Variants in GSE1 observed in about 807,000 individuals in gnomAD.
GSE1 encodes the protein genetic suppressor element 1.
Under a neutral mutation model 112.6 loss-of-function variants are expected in GSE1, and 32 were observed. The ratio of observed to expected loss-of-function variants is 0.28; its 90% confidence interval spans 0.21 to 0.38. GSE1 has a LOEUF of 0.38. Among genes scored for constraint, GSE1 ranks in the 10% least tolerant of loss-of-function variants. The probability of loss-of-function intolerance (pLI) is 1.00; values close to 1 mark genes in which losing one functional copy is unlikely to be tolerated. For synonymous variants in GSE1, 1,115 were observed against 735.6 expected (o/e 1.52, Z -8.35); for missense variants, 2,348 against 1,699.2 (o/e 1.38, Z -6.71).
chr16:85,418,738 GA>G, intron 2 of GSE1, among the ~76,000 whole-genome samples: 1 of 152,310 alleles, frequency 6.6e-6, no homozygotes, highest in Non-Finnish European at 1.5e-5. Context: ...GAAAAAGGGG[GA>G]CAAGCCGGCA....
upstream of GSE1, among the ~76,000 whole-genome samples, chr16:85,551,048 G>C (rs1455077584): frequency 6.6e-6 from 1 of 152,184 alleles, no homozygotes; most frequent in Non-Finnish European, 1.5e-5. Flanking sequence ...GGGAGGTGCG[G>C]GGTGAGTTTG....
chr16:85,245,784 G>T (rs929560581), intron 1 of GSE1, among the ~76,000 whole-genome samples: 2 of 152,098 alleles, frequency 1.3e-5, no homozygotes, highest in Non-Finnish European at 2.9e-5. Context: ...GCCTTGTCCA[G>T]CTCTGGCAGT....
At chr16:85,230,746 C>T (rs968097907) in intron 1 of GSE1, among the ~76,000 whole-genome samples, 3 of 152,226 alleles carry the variant, frequency 2.0e-5, no homozygotes, top group Non-Finnish European at 4.4e-5. Flanking sequence ...GGTGTATTAA[C>T]TCACAGTCCT....
At chr16:85,180,141 C>T (rs181030227) in intron 1 of GSE1, among the ~76,000 whole-genome samples, 210 of 152,378 alleles carry the variant, frequency 1.4e-3, no homozygotes, top group African/African-American at 4.9e-3. Flanking sequence ...AGCTCTGCTG[C>T]CTGGCCTGTC....
rs533715227 is a variant in GSE1 at position 85,561,067 on chromosome 16, G to C, written c.37+4704G>C. Among the ~76,000 whole-genome samples, 32 of 152,210 alleles carry C rather than the reference G, an allele frequency of 2.1e-4. No individual in the cohort carries two copies. In the South Asian group the frequency reaches 4.2e-3, roughly 20 times the overall value. On this transcript the variant is annotated intron_variant, in intron 1 of 2. Transcript: ENST00000635906. ...GGATCACCTGGGCCCAGGAGGTCGA[G>C]GCTGCAGTGAGCTGTGATTCCACGA... is the stretch of plus-strand genomic sequence containing the variant.
intron 2 of GSE1, among the ~76,000 whole-genome samples, chr16:85,471,050 C>T (rs371166263): frequency 1.3e-5 from 2 of 152,280 alleles, no homozygotes; most frequent in African/African-American, 4.8e-5. Context: ...GCAGGAGGTG[C>T]CAGGCATTCT....
intron 1 of GSE1, among the ~76,000 whole-genome samples, chr16:85,315,012 C>G (rs1269276196): frequency 1.3e-5 from 2 of 152,230 alleles, no homozygotes; most frequent in African/African-American, 2.4e-5. Context: ...TCAGGGCCAG[C>G]TCAGAAAATC....
chr16:85,460,417 CAA>C (rs1346202692), intron 2 of GSE1, among the ~76,000 whole-genome samples: 1 of 152,230 alleles, frequency 6.6e-6, no homozygotes, highest in Non-Finnish European at 1.5e-5. Context: ...GGCTTACCCT[CAA>C]GAGAGGGACG....
At chr16:85,466,248 C>G (rs1031196037) in intron 2 of GSE1, among the ~76,000 whole-genome samples, 9 of 152,222 alleles carry the variant, frequency 5.9e-5, no homozygotes, top group Admixed American at 4.6e-4. Context: ...GCTCTGGTAG[C>G]CAGGAGTGCT....
In GSE1 at chr16:85,256,460, C is replaced by T. The variant is rs568712045; in HGVS notation, c.2283+84653C>T. On this transcript the variant is annotated intron_variant, in intron 1 of 2. Transcript: ENST00000637419. Reference sequence around the variant, plus strand: ...TTAGGTTTGGGACTGTTCTCGTTGCCTTGGTGCAGATGGGGTAGCTGAGGT... The same window carrying T: ...TTAGGTTTGGGACTGTTCTCGTTGCTTTGGTGCAGATGGGGTAGCTGAGGT... Among the ~76,000 whole-genome samples the T allele has an allele frequency of 2.0e-5, 3 of 152,354 alleles. No homozygotes were observed. The East Asian group carries it at 5.8e-4, about 29-fold the overall frequency.
At chr16:85,174,510 C>T (rs1196247985) in intron 1 of GSE1, among the ~76,000 whole-genome samples, 1 of 152,238 alleles carries the variant, frequency 6.6e-6, no homozygotes, top group East Asian at 1.9e-4. Context: ...ATGCAGCCTT[C>T]TGGTCTTCCG....
intron 10 of GSE1, 75 bp from the exon 11 acceptor site, chr16:85,663,269 G>A (rs1468451159): frequency 1.4e-5 from 22 of 1,536,312 alleles, no homozygotes; most frequent in Admixed American, 1.7e-5. Flanking sequence ...GAGGACCCCA[G>A]GAGGGGACCC....
At chr16:85,374,523 T>A (rs2047375251) in intron 2 of GSE1, among the ~76,000 whole-genome samples, 1 of 53,886 alleles carries the variant, frequency 1.9e-5, no homozygotes, top group South Asian at 1.2e-3. Context: ...TGTCAGTGTG[T>A]GCGTGTGTGT....
intron 2 of GSE1, among the ~76,000 whole-genome samples, chr16:85,473,025 G>A (rs908475569): frequency 2.0e-5 from 3 of 152,272 alleles, no homozygotes; most frequent in Non-Finnish European, 2.9e-5. Flanking sequence ...TTTGGGGTGG[G>A]GGCACAGGAG....
chr16:85,502,208 G>A (rs552732473), intron 2 of GSE1, among the ~76,000 whole-genome samples: 1 of 152,310 alleles, frequency 6.6e-6, no homozygotes, highest in East Asian at 1.9e-4. Context: ...TATGGGCTGC[G>A]TCCCGAGAGA....
chr16:85,670,881 C>T, intron 14 of GSE1, 114 bp from the exon 15 acceptor site: 1 of 681,074 alleles, frequency 1.5e-6, no homozygotes. Flanking sequence ...CCTTCGCTGG[C>T]TGCACTGGAG....
chr16:85,349,735 T>C (rs1036440119), intron 1 of GSE1, among the ~76,000 whole-genome samples: 6 of 152,326 alleles, frequency 3.9e-5, no homozygotes, highest in African/African-American at 1.4e-4. Context: ...GTCAGGATGC[T>C]GGCGTCTCTT....
intron 2 of GSE1, among the ~76,000 whole-genome samples, chr16:85,382,232 T>C (rs4783187): frequency 0.83 from 126,827 of 152,218 alleles, 53,014 homozygotes; most frequent in Non-Finnish European, 0.87. Context: ...TGATCTCCCG[T>C]CCTGGTCATT....
intron 2 of GSE1, among the ~76,000 whole-genome samples, chr16:85,521,883 C>G (rs896736692): frequency 1.3e-5 from 2 of 152,234 alleles, no homozygotes; most frequent in African/African-American, 4.8e-5. Context: ...AGATCCTCTG[C>G]TAATGAGGTC....
Sources: gnomAD v4.1 joint callset for allele counts (sites outside exome capture counted in the v4.1 genomes callset) on GRCh38, gnomAD v4.1.1 for gene constraint, MANE v1.5 for transcripts, NCBI Gene and HGNC (gene_info 2026-07-23, HGNC 2026-07-21) for gene names.